Variants in RTL4 observed in about 807,000 individuals in gnomAD.
RTL4 encodes the protein retrotransposon Gag like 4, also known as retrotransposon Gag-like protein 4.
In RTL4, 4 loss-of-function variants were observed where a neutral mutation model predicts 5.3. The ratio of observed to expected loss-of-function variants is 0.75; its 90% CI spans 0.37 to 1.72. The LOEUF is 1.72. RTL4 is among the 40% of genes most tolerant of loss of function. The pLI is 0.04. For missense variants in RTL4, 260 were observed against 227.1 expected (o/e 1.14, Z -0.93); for synonymous variants, 98 against 87.3 (o/e 1.12, Z -0.68).
chrX:112,216,888 T>G, the RTL4 span, among the ~76,000 whole-genome samples: 9 of 112,058 alleles, frequency 8.0e-5, no homozygotes, highest in African/African-American at 2.9e-4. Context: ...TATTCCAAAG[T>G]CTTTGGCTTC....
At chrX:112,364,647 C>A in the RTL4 span, among the ~76,000 whole-genome samples, 1 of 110,843 alleles carries the variant, frequency 9.0e-6, no homozygotes, top group African/African-American at 3.3e-5. Flanking sequence ...GGAGGAATGG[C>A]AACTCCGAGC....
the RTL4 span, among the ~76,000 whole-genome samples, chrX:112,251,926 CA>C: frequency 4.5e-5 from 5 of 111,852 alleles, no homozygotes; most frequent in Non-Finnish European, 9.4e-5. Flanking sequence ...ATTCTAATAA[CA>C]ATGTGTCTTT....
chrX:112,387,199 T>C, the RTL4 span, among the ~76,000 whole-genome samples: 1 of 110,704 alleles, frequency 9.0e-6, no homozygotes, highest in Non-Finnish European at 1.9e-5. Flanking sequence ...TTTTTGATTT[T>C]TTTTTTCTGA....
At chrX:112,366,703 G>T in the RTL4 span, among the ~76,000 whole-genome samples, 2 of 111,887 alleles carry the variant, frequency 1.8e-5, no homozygotes, top group Non-Finnish European at 3.8e-5. Flanking sequence ...CACTCCACAG[G>T]TTTGTGCAAA....
At chrX:112,199,638 T>C in the RTL4 span, among the ~76,000 whole-genome samples, 4 of 111,481 alleles carry the variant, frequency 3.6e-5, no homozygotes, top group Non-Finnish European at 7.5e-5. Context: ...AAGAAAGGAT[T>C]ATTTGGTTAA....
chrX:112,249,790 TATAGAGAGAG>T, the RTL4 span, among the ~76,000 whole-genome samples: 1 of 99,795 alleles, frequency 1.0e-5, no homozygotes, highest in Non-Finnish European at 2.0e-5. Flanking sequence ...TATATATATA[TATAGAGAGAG>T]AGAGAGAGAT....
the RTL4 span, among the ~76,000 whole-genome samples, chrX:112,102,760 A>G: frequency 8.9e-6 from 1 of 112,156 alleles, no homozygotes; most frequent in East Asian, 2.8e-4. Flanking sequence ...CCCATTAAAA[A>G]GTGGGCAAAG....
chrX:112,205,695 A>G, the RTL4 span, among the ~76,000 whole-genome samples: 2 of 111,021 alleles, frequency 1.8e-5, no homozygotes, highest in Non-Finnish European at 1.9e-5. Flanking sequence ...TTGTAAAAGG[A>G]CTCTTTATTT....
the RTL4 span, among the ~76,000 whole-genome samples, chrX:112,449,039 C>T: frequency 9.0e-6 from 1 of 111,710 alleles, no homozygotes; most frequent in Non-Finnish European, 1.9e-5. Context: ...CTTTTAACTT[C>T]ATAAGAAGCT....
chrX:112,228,310 T>G, the RTL4 span, among the ~76,000 whole-genome samples: 5 of 111,945 alleles, frequency 4.5e-5, no homozygotes, highest in African/African-American at 1.6e-4. Context: ...TTGGTTTGAT[T>G]TCTTCCCTGC....
At chrX:112,188,898 G>GA in the RTL4 span, among the ~76,000 whole-genome samples, 1 of 110,657 alleles carries the variant, frequency 9.0e-6, no homozygotes, top group East Asian at 2.9e-4. Context: ...GGCCAATAGA[G>GA]AAAAAAGGAC....
chrX:112,401,496 G>A, the RTL4 span, among the ~76,000 whole-genome samples: 2 of 111,571 alleles, frequency 1.8e-5, no homozygotes, highest in Non-Finnish European at 3.8e-5. Context: ...CAAAATGCCT[G>A]GATTCTAGTC....
chrX:112,300,698 T>C, the RTL4 span, among the ~76,000 whole-genome samples: 4 of 112,275 alleles, frequency 3.6e-5, no homozygotes, highest in Non-Finnish European at 7.5e-5. Flanking sequence ...CCTTAGTAGT[T>C]AGAGAAGCAA....
chrX:112,337,609 A>T, the RTL4 span, among the ~76,000 whole-genome samples: 5 of 111,399 alleles, frequency 4.5e-5, no homozygotes, highest in African/African-American at 1.3e-4. Context: ...TCCAGAAAAC[A>T]TTTTCTGTAG....
At chrX:112,341,925 A>AC in the RTL4 span, among the ~76,000 whole-genome samples, 1 of 111,606 alleles carries the variant, frequency 9.0e-6, no homozygotes, top group East Asian at 2.8e-4. Flanking sequence ...GGTAGGTGAC[A>AC]GGCTGATCCA....
At chrX:112,143,552 G>A in the RTL4 span, among the ~76,000 whole-genome samples, 1 of 111,540 alleles carries the variant, frequency 9.0e-6, no homozygotes, top group African/African-American at 3.3e-5. Flanking sequence ...TATTTGCAAG[G>A]TCACATGATT....
At chrX:112,200,600 T>A in the RTL4 span, among the ~76,000 whole-genome samples, 148 of 111,710 alleles carry the variant, frequency 1.3e-3, no homozygotes, top group African/African-American at 4.6e-3. Flanking sequence ...AATTAAGAAT[T>A]GGTGAGAAGG....
chrX:112,207,876 C>T, the RTL4 span, among the ~76,000 whole-genome samples: 1 of 110,429 alleles, frequency 9.1e-6, no homozygotes, highest in East Asian at 2.8e-4. Flanking sequence ...GACTCTACTG[C>T]ACACAACACT....
chrX:112,143,010 G>A, the RTL4 span, among the ~76,000 whole-genome samples: 1 of 110,743 alleles, frequency 9.0e-6, no homozygotes, highest in Admixed American at 9.7e-5. Flanking sequence ...TGTAGTTTTA[G>A]TAGAGAGGGG....
Sources: gnomAD v4.1 joint callset for allele counts (sites outside exome capture counted in the v4.1 genomes callset) on GRCh38, gnomAD v4.1.1 for gene constraint, MANE v1.5 for transcripts, NCBI Gene and HGNC (gene_info 2026-07-23, HGNC 2026-07-21) for gene names.